Variants in GADL1 observed in about 807,000 individuals in gnomAD.
GADL1 encodes GAD like acidic amino acid decarboxylase 1, also known as acidic amino acid decarboxylase GADL1.
Under a neutral mutation model 69.5 loss-of-function variants are expected in GADL1, and 71 were observed. That is an observed-to-expected ratio of 1.02 (90% CI 0.84 to 1.25). GADL1 has a LOEUF of 1.25. Among genes scored for constraint, GADL1 ranks in the 50% most tolerant of loss-of-function variants. GADL1 has a pLI of 0.00. For synonymous variants in GADL1, 254 were observed against 214.4 expected, an observed-to-expected ratio of 1.18 and a Z score of -1.62; for missense variants, 737 against 631.8, an observed-to-expected ratio of 1.17 and a Z score of -1.79.
intron 11 of GADL1, among the ~76,000 whole-genome samples, chr3:30,821,939 C>T (rs1221524021): frequency 1.3e-5 from 2 of 152,022 alleles, no homozygotes; most frequent in Admixed American, 6.6e-5. Context: ...CTACTTTTCT[C>T]CTCCAGTTTA....
chr3:30,735,337 C>G (rs533824768), intron 14 of GADL1, among the ~76,000 whole-genome samples: 1 of 152,050 alleles, frequency 6.6e-6, no homozygotes, highest in African/African-American at 2.4e-5. Flanking sequence ...GCTGTATAGT[C>G]TTCATGAAAA....
intron 11 of GADL1, among the ~76,000 whole-genome samples, chr3:30,818,524 G>A (rs1218016596): frequency 1.3e-5 from 2 of 151,912 alleles, no homozygotes; most frequent in Non-Finnish European, 2.9e-5. Flanking sequence ...GCCTCCCCTT[G>A]TTCTCTATTT....
At chr3:30,888,330 T>A (rs1323802511) in intron 1 of GADL1, among the ~76,000 whole-genome samples, 1 of 151,964 alleles carries the variant, frequency 6.6e-6, no homozygotes, top group Non-Finnish European at 1.5e-5. Flanking sequence ...TGGTTACGAG[T>A]GTACAAAATA....
At chr3:30,787,946 T>C (rs1039542379) in intron 12 of GADL1, among the ~76,000 whole-genome samples, 1 of 152,206 alleles carries the variant, frequency 6.6e-6, no homozygotes, top group South Asian at 2.1e-4. Flanking sequence ...TTGATGTTTG[T>C]ATATTTCAAA....
chr3:30,782,885 A>C (rs1696697878), intron 13 of GADL1, among the ~76,000 whole-genome samples: 3 of 152,232 alleles, frequency 2.0e-5, no homozygotes, highest in African/African-American at 7.2e-5. Context: ...GATGAAGATT[A>C]AAATAATGTG....
At chr3:30,790,826 A>T (rs890077501) in intron 12 of GADL1, among the ~76,000 whole-genome samples, 8 of 152,168 alleles carry the variant, frequency 5.3e-5, no homozygotes, top group African/African-American at 1.9e-4. Flanking sequence ...TAGAAACAAG[A>T]TTAATATTCA....
chr3:30,812,932 GA>G (rs1697389341), intron 11 of GADL1, among the ~76,000 whole-genome samples: 2 of 151,970 alleles, frequency 1.3e-5, no homozygotes, highest in South Asian at 4.2e-4. Context: ...AGAAGAGAAG[GA>G]AGGGGAAATA....
At chr3:30,875,332 A>T (rs1005505473) in intron 1 of GADL1, among the ~76,000 whole-genome samples, 3 of 151,918 alleles carry the variant, frequency 2.0e-5, no homozygotes, top group African/African-American at 7.2e-5. Flanking sequence ...ATCATAGTCC[A>T]GTCTCTGATC....
At chr3:30,754,556 G>A (rs183121189) in intron 14 of GADL1, among the ~76,000 whole-genome samples, 1 of 152,188 alleles carries the variant, frequency 6.6e-6, no homozygotes, top group East Asian at 1.9e-4. Flanking sequence ...ATGACAAAGA[G>A]TGTATTACCT....
chr3:30,869,303 C>T (rs1355252868), intron 1 of GADL1, among the ~76,000 whole-genome samples: 4 of 151,750 alleles, frequency 2.6e-5, no homozygotes, highest in Admixed American at 2.6e-4. Context: ...GAATTTCACA[C>T]TGGTTTTAAA....
chr3:30,816,591 G>GC (rs1697478358), intron 11 of GADL1, among the ~76,000 whole-genome samples: 2 of 121,520 alleles, frequency 1.6e-5, no homozygotes, highest in Middle Eastern at 6.5e-3. Context: ...CTGTCACCAG[G>GC]CTGGAGTGCA....
At chr3:30,835,818 G>C (rs925272837) in intron 9 of GADL1, among the ~76,000 whole-genome samples, 2 of 152,046 alleles carry the variant, frequency 1.3e-5, no homozygotes, top group Non-Finnish European at 2.9e-5. Flanking sequence ...CCCAGGTAAA[G>C]AGTTAGTAAC....
chr3:30,878,493 T>A (rs977170592), intron 1 of GADL1, among the ~76,000 whole-genome samples: 14 of 151,952 alleles, frequency 9.2e-5, no homozygotes, highest in Middle Eastern at 3.2e-3. Context: ...ACAAACAGGC[T>A]GGAATGAATG....
chr3:30,815,075 G>A (rs747293143), intron 11 of GADL1, among the ~76,000 whole-genome samples: 1 of 152,070 alleles, frequency 6.6e-6, no homozygotes, highest in Admixed American at 6.6e-5. Flanking sequence ...AAATGGCCAT[G>A]GTTTATTTGC....
At chr3:30,833,031 A>C (rs560002438) in intron 11 of GADL1, among the ~76,000 whole-genome samples, 1 of 152,162 alleles carries the variant, frequency 6.6e-6, no homozygotes, top group Non-Finnish European at 1.5e-5. Flanking sequence ...AATAGTTTTC[A>C]TTTCAAATAA....
At chr3:30,735,343 G>C (rs1011213508) in intron 14 of GADL1, among the ~76,000 whole-genome samples, 93 of 152,016 alleles carry the variant, frequency 6.1e-4, no homozygotes, top group African/African-American at 2.2e-3. Flanking sequence ...TAGTCTTCAT[G>C]AAAAAAGAAA....
intron 14 of GADL1, among the ~76,000 whole-genome samples, chr3:30,767,687 G>A (rs530523303): frequency 6.6e-6 from 1 of 152,240 alleles, no homozygotes; most frequent in Admixed American, 6.5e-5. Flanking sequence ...CTTCAGCTTT[G>A]AAGCAGTGGA....
chr3:30,870,983 GA>G (rs1698472499), intron 1 of GADL1, among the ~76,000 whole-genome samples: 1 of 151,274 alleles, frequency 6.6e-6, no homozygotes, highest in South Asian at 2.1e-4. Flanking sequence ...ATGACATAGA[GA>G]CAAGATTCAT....
rs34788058 is a variant in GADL1, at chr3:30,805,734, C to CTTTTTTTTTTTTTTTTTTTTT, written c.1051-4667_1051-4647dup. Reference sequence around the variant, plus strand: ...ATTCTGTGCACCAGCAGTCCCCAGCCTTTTTTTTTTTTTTTTTTTTTTTTG... The same window carrying CTTTTTTTTTTTTTTTTTTTTT: ...ATTCTGTGCACCAGCAGTCCCCAGCCTTTTTTTTTTTTTTTTTTTTTTTTTTTTTTTTTTTTTTTTTTTTTG... On this transcript the variant is annotated intron_variant, in intron 11 of 14. Coordinates refer to ENST00000282538, the MANE Select transcript of GADL1 (RefSeq NM_207359.3). Among the ~76,000 whole-genome samples the CTTTTTTTTTTTTTTTTTTTTT allele has an allele frequency of 6.2e-4, 41 of 66,088 alleles. 5 individuals are homozygous for CTTTTTTTTTTTTTTTTTTTTT. The highest frequency in any genetic ancestry group is 2.8e-3 in the East Asian group (4 of 1,404). The allele number at this position is 66,088 out of a possible 152,430, so 43.4% of individuals were successfully genotyped here. A position where few individuals can be genotyped will look rare whatever the true frequency, so the allele number is the denominator to read the frequency against.
Sources: allele counts gnomAD v4.1 joint callset (sites outside exome capture counted in the v4.1 genomes callset), GRCh38; gene constraint gnomAD v4.1.1; transcripts MANE v1.5; gene names NCBI Gene and HGNC (gene_info 2026-07-23, HGNC 2026-07-21).